ASB11: variants seen among roughly 807,000 people sequenced by gnomAD.
The protein encoded by ASB11 is ankyrin repeat and SOCS box containing 11.
In ASB11, 17 loss-of-function variants were observed where a neutral mutation model predicts 20.1. That is an observed-to-expected ratio of 0.85 (90% CI 0.58 to 1.27). The LOEUF is 1.27. Among genes scored for constraint, ASB11 ranks in the 50% most tolerant of loss-of-function variants. The probability of loss-of-function intolerance (pLI) is 0.00; values close to 1 mark genes in which losing one functional copy is unlikely to be tolerated. For synonymous variants in ASB11, 107 were observed against 105.6 expected (o/e 1.01, Z -0.08); for missense variants, 259 against 256.9 (o/e 1.01, Z -0.06).
At chrX:15,303,404 G>A (rs1409432014) in intron 1 of ASB11, among the ~76,000 whole-genome samples, 1 of 111,822 alleles carries the variant, frequency 8.9e-6, no homozygotes. Flanking sequence ...ATTTGTGTTG[G>A]GCCACATTCA....
intron 4 of ASB11, among the ~76,000 whole-genome samples, chrX:15,292,684 G>T (rs1260354096): frequency 8.9e-6 from 1 of 112,006 alleles, no homozygotes; most frequent in Non-Finnish European, 1.9e-5. Flanking sequence ...ATTATGAACG[G>T]TTATATTTAC....
intron 1 of ASB11, among the ~76,000 whole-genome samples, chrX:15,313,844 G>A (rs1921518777): frequency 9.0e-6 from 1 of 110,922 alleles, no homozygotes; most frequent in African/African-American, 3.3e-5. Context: ...GAGGTCAGGA[G>A]TTCAAGACCA....
intron 5 of ASB11, among the ~76,000 whole-genome samples, chrX:15,288,655 A>T (rs993309576): frequency 9.0e-6 from 1 of 111,282 alleles, no homozygotes; most frequent in Non-Finnish European, 1.9e-5. Flanking sequence ...AGACTGAGGA[A>T]GGTGGATCAC....
intron 1 of ASB11, among the ~76,000 whole-genome samples, chrX:15,309,364 T>G (rs759271939): frequency 9.2e-6 from 1 of 108,546 alleles, no homozygotes; most frequent in African/African-American, 3.4e-5. Flanking sequence ...ATGAGTCTAA[T>G]GCCTGATGAT....
intron 1 of ASB11, among the ~76,000 whole-genome samples, chrX:15,306,155 C>T (rs892543092): frequency 8.9e-6 from 1 of 111,868 alleles, no homozygotes; most frequent in South Asian, 3.7e-4. Flanking sequence ...ACCACATTTT[C>T]TTTACCCAGT....
At chrX:15,297,493 C>T (rs1229751941) in intron 3 of ASB11, 81 bp downstream of exon 3, 16 of 846,307 alleles carry the variant, frequency 1.9e-5, no homozygotes. Context: ...AGTGGGTAAG[C>T]CATCTGGAAG....
chrX:15,283,602 C>G lies in ASB11; in HGVS notation c.875G>C (p.Arg292Pro), dbSNP rs758714896. The change falls in exon 7 of 7, where the codon CGC becomes CCC. Residue 292 changes from arginine to proline, a missense_variant. Physicochemically the swap from Arg to Pro is moderately radical, Grantham distance 103. Transcript: ENST00000480796. Reference sequence around the variant, plus strand: ...ACCGAGACACTTCCGGACACACAGGCGGCAGAGCTGGGAAAGAGCAGGTGG... The same window carrying G: ...ACCGAGACACTTCCGGACACACAGGGGGCAGAGCTGGGAAAGAGCAGGTGG... Reference protein sequence around the residue: ...EGPPALSQLCRLCVRKCLGRA... With the variant: ...EGPPALSQLCPLCVRKCLGRA... The G allele has an allele frequency of 3.5e-5, 42 of 1,205,241 alleles. No individual in the cohort carries two copies. In the South Asian group the frequency reaches 6.4e-4, roughly 18 times the overall value.
In ASB11 at chrX:15,288,043, C is replaced by A. The variant is rs993570040; in HGVS notation, c.685G>T (p.Asp229Tyr). 10 of 1,210,353 alleles carry A rather than the reference C, an allele frequency of 8.3e-6. No individual in the cohort carries two copies. The highest frequency in any genetic ancestry group is 1.1e-5 in the Non-Finnish European group (10 of 894,885). The change falls in exon 6 of 7, where the codon GAC (aspartate) becomes TAC (tyrosine). Residue 229 changes from aspartate to tyrosine, a missense_variant. By Grantham distance (160) the Asp-to-Tyr change is radical. Coordinates refer to ENST00000480796, the MANE Select transcript of ASB11 (RefSeq NM_080873.3). ...GASVDHGQWL[D>Y]TPLHAAARQS... ...CTCGCTGCAGCATGGAGTGGGGTGT[C>A]CAGCCACTGGCCATGGTCGACACTG...
intron 1 of ASB11, among the ~76,000 whole-genome samples, chrX:15,306,253 A>G (rs1921243350): frequency 1.8e-5 from 2 of 112,478 alleles, no homozygotes; most frequent in Non-Finnish European, 3.7e-5. Context: ...GTGTCCTTAT[A>G]ACAGAACAAT....
chrX:15,285,498 G>A (rs754721096), intron 6 of ASB11, among the ~76,000 whole-genome samples: 1 of 110,888 alleles, frequency 9.0e-6, no homozygotes, highest in African/African-American at 3.3e-5. Context: ...AGAGGAGCTA[G>A]GCCCTGTCCA....
intron 6 of ASB11, among the ~76,000 whole-genome samples, chrX:15,285,468 T>C (rs1324391393): frequency 9.0e-6 from 1 of 110,878 alleles, no homozygotes; most frequent in African/African-American, 3.3e-5. Flanking sequence ...CAAGTGGCTA[T>C]ATTTATGAAG....
chrX:15,300,427 G>A (rs978034629), intron 2 of ASB11, among the ~76,000 whole-genome samples: 4 of 112,455 alleles, frequency 3.6e-5, no homozygotes, highest in African/African-American at 1.3e-4. Context: ...TACTCACATC[G>A]ATCATATTAT....
At chrX:15,289,195 G>A (rs1396677847) in intron 5 of ASB11, among the ~76,000 whole-genome samples, 1 of 112,250 alleles carries the variant, frequency 8.9e-6, no homozygotes, top group Non-Finnish European at 1.9e-5. Context: ...TCAAAGATGG[G>A]CATGTGACTT....
At chrX:15,300,217 G>A (rs1921022773) in intron 2 of ASB11, among the ~76,000 whole-genome samples, 1 of 112,208 alleles carries the variant, frequency 8.9e-6, no homozygotes, top group South Asian at 3.7e-4. Context: ...TGTGATGCTG[G>A]AAAGGCCTGA....
At chrX:15,296,213 C>T (rs1334624664) in intron 3 of ASB11, among the ~76,000 whole-genome samples, 3 of 108,860 alleles carry the variant, frequency 2.8e-5, no homozygotes, top group Admixed American at 9.9e-5. Context: ...TGTGCCACTG[C>T]ACTCCAGCTT....
At chrX:15,313,921 G>A (rs909846850) in intron 1 of ASB11, among the ~76,000 whole-genome samples, 5 of 110,175 alleles carry the variant, frequency 4.5e-5, no homozygotes, top group Non-Finnish European at 5.7e-5. Context: ...GCATGGTGGC[G>A]TGTGCCTGTA....
rs60765469 is a variant in ASB11, at chrX:15,309,967, C to CAAAAAAAA, written c.181+5450_181+5457dup. ...TGGGCGACAGAGCAAGACTCCGTCT[C>CAAAAAAAA]AAAAAAAAAAAAAAAAAAAAAAAAG... is the stretch of plus-strand genomic sequence containing the variant. On this transcript the variant is annotated intron_variant, in intron 1 of 6. Coordinates refer to ENST00000480796, the MANE Select transcript of ASB11 (RefSeq NM_080873.3). Among the ~76,000 whole-genome samples the CAAAAAAAA allele has an allele frequency of 2.3e-3, 35 of 15,512 alleles. 3 individuals are homozygous for CAAAAAAAA. Among genetic ancestry groups the CAAAAAAAA allele is most frequent in the African/African-American group, 6.1e-3 (29 of 4,739 alleles). 13.5% of individuals were successfully genotyped at this position (15,512 alleles called of 115,157 possible).
At chrX:15,283,969 G>T (rs944598305) in intron 6 of ASB11, among the ~76,000 whole-genome samples, 4 of 111,098 alleles carry the variant, frequency 3.6e-5, no homozygotes, top group African/African-American at 1.3e-4. Context: ...AGTGATACAC[G>T]GGGCCAGGCA....
intron 2 of ASB11, among the ~76,000 whole-genome samples, chrX:15,299,645 C>G (rs774636589): frequency 1.3e-4 from 15 of 111,559 alleles, no homozygotes; most frequent in African/African-American, 3.9e-4. Flanking sequence ...CCCCCCTTTC[C>G]TGTCATGGCC....
Sources: gnomAD v4.1 joint callset for allele counts (sites outside exome capture counted in the v4.1 genomes callset) on GRCh38, gnomAD v4.1.1 for gene constraint, MANE v1.5 for transcripts, NCBI Gene and HGNC (gene_info 2026-07-23, HGNC 2026-07-21) for gene names.